Variants in MED27 observed in about 807,000 individuals in gnomAD.
MED27 encodes mediator complex subunit 27.
A neutral mutation model predicts 38.2 loss-of-function variants in MED27; 30 were observed. The ratio of observed to expected loss-of-function variants is 0.79; its 90% CI spans 0.59 to 1.07. MED27 has a LOEUF of 1.07. Ranked by LOEUF, MED27 falls within the 50% of genes least tolerant of loss-of-function variation. The probability of loss-of-function intolerance (pLI) is 0.00; values close to 1 mark genes in which losing one functional copy is unlikely to be tolerated. For missense variants in MED27, 289 were observed against 397.5 expected (o/e 0.73, Z 2.32); for synonymous variants, 122 against 153.5 (o/e 0.79, Z 1.52).
At chr9:132,046,340 G>A (rs976931262) in intron 2 of MED27, among the ~76,000 whole-genome samples, 1 of 151,936 alleles carries the variant, frequency 6.6e-6, no homozygotes, top group Non-Finnish European at 1.5e-5. Flanking sequence ...GCTCACAAAA[G>A]TATACTGAAA....
intron 4 of MED27, among the ~76,000 whole-genome samples, chr9:131,923,967 A>C (rs1260524515): frequency 1.3e-5 from 2 of 152,164 alleles, no homozygotes; most frequent in Non-Finnish European, 2.9e-5. Context: ...CTGAAGATGG[A>C]AAAAAAAGTG....
intron 3 of MED27, among the ~76,000 whole-genome samples, chr9:131,993,169 C>T (rs1451651503): frequency 1.3e-5 from 2 of 152,034 alleles, no homozygotes; most frequent in Non-Finnish European, 2.9e-5. Context: ...AGTCTACCAC[C>T]GTGCCTTACC....
chr9:131,876,335 C>T (rs188609527), intron 6 of MED27, among the ~76,000 whole-genome samples: 11 of 152,260 alleles, frequency 7.2e-5, no homozygotes, highest in African/African-American at 2.6e-4. Context: ...ACGCAGCGTG[C>T]CCTCAGAAAG....
intron 6 of MED27, among the ~76,000 whole-genome samples, chr9:131,871,775 C>T (rs1564261955): frequency 6.6e-6 from 1 of 152,198 alleles, no homozygotes; most frequent in Non-Finnish European, 1.5e-5. Context: ...GTCTTGAACT[C>T]CTAGGCTCAA....
At chr9:132,009,782 T>C (rs1832441239) in intron 3 of MED27, among the ~76,000 whole-genome samples, 1 of 152,268 alleles carries the variant, frequency 6.6e-6, no homozygotes, top group African/African-American at 2.4e-5. Flanking sequence ...CAATCTGTTA[T>C]GAAGCAATAG....
intron 4 of MED27, among the ~76,000 whole-genome samples, chr9:131,907,687 G>C (rs1030053945): frequency 1.8e-4 from 27 of 149,772 alleles, no homozygotes; most frequent in Non-Finnish European, 3.3e-4. Flanking sequence ...CCATCGTCTG[G>C]GATGTGAGGA....
chr9:131,908,184 T>G (rs1216899545), intron 4 of MED27, among the ~76,000 whole-genome samples: 1 of 11,028 alleles, frequency 9.1e-5, no homozygotes, highest in Non-Finnish European at 2.0e-4. Flanking sequence ...GGGGCGCCTC[T>G]GCCCGGCCGC....
rs558617748 is a variant in MED27, at chr9:131,963,108, G to C, written c.480-23634C>G. Among the ~76,000 whole-genome samples the C allele has an allele frequency of 3.9e-5, 6 of 152,248 alleles. No individual in the cohort carries two copies. In the South Asian group the frequency reaches 1.2e-3, roughly 32 times the overall value. On this transcript the variant is annotated intron_variant, in intron 3 of 7. Coordinates refer to ENST00000292035, the MANE Select transcript of MED27 (RefSeq NM_004269.4). Reference sequence around the variant, plus strand: ...GTAAAATATTAAAGCATAATGTTCAGCTAAACTATTTCCAAGCCATACATC... The same window carrying C: ...GTAAAATATTAAAGCATAATGTTCACCTAAACTATTTCCAAGCCATACATC...
intron 3 of MED27, among the ~76,000 whole-genome samples, chr9:132,009,412 G>A (rs1832433897): frequency 6.6e-6 from 1 of 152,196 alleles, no homozygotes; most frequent in Non-Finnish European, 1.5e-5. Flanking sequence ...GGGTAGAACT[G>A]ACGCTGTGTG....
intron 3 of MED27, among the ~76,000 whole-genome samples, chr9:131,963,831 C>T (rs1424498416): frequency 6.6e-6 from 1 of 152,152 alleles, no homozygotes; most frequent in African/African-American, 2.4e-5. Context: ...TTTCCAAATT[C>T]GTTACCCTGA....
chr9:131,874,004 C>T (rs1838879965), intron 6 of MED27, among the ~76,000 whole-genome samples: 1 of 152,182 alleles, frequency 6.6e-6, no homozygotes, highest in African/African-American at 2.4e-5. Context: ...GATGTACCCC[C>T]GCTGGCCACT....
chr9:132,075,919 A>C (rs906515129), intron 2 of MED27, among the ~76,000 whole-genome samples: 11 of 152,282 alleles, frequency 7.2e-5, no homozygotes, highest in Middle Eastern at 6.8e-3. Flanking sequence ...CCCAACTCCA[A>C]GGAACCCCAT....
chr9:132,075,817 G>C (rs563462030), intron 2 of MED27, among the ~76,000 whole-genome samples: 1 of 151,854 alleles, frequency 6.6e-6, no homozygotes, highest in African/African-American at 2.4e-5. Context: ...TGTAGAGCTG[G>C]AACAGTCCCA....
At chr9:131,869,006 C>T (rs546780780) in intron 6 of MED27, 304 of 985,338 alleles carry the variant, frequency 3.1e-4, no homozygotes, top group Non-Finnish European at 3.5e-4. Flanking sequence ...CATTGCTGGT[C>T]GGCAATCTGG....
At chr9:131,951,751 T>C (rs1831002030) in intron 3 of MED27, among the ~76,000 whole-genome samples, 1 of 152,256 alleles carries the variant, frequency 6.6e-6, no homozygotes, top group African/African-American at 2.4e-5. Flanking sequence ...ATTGTCTTTT[T>C]CTGCACAAAA....
At chr9:132,075,370 C>G (rs1834022816) in intron 2 of MED27, among the ~76,000 whole-genome samples, 1 of 152,176 alleles carries the variant, frequency 6.6e-6, no homozygotes, top group South Asian at 2.1e-4. Flanking sequence ...GGTTCTTTTA[C>G]AGATGCTTAA....
At chr9:131,894,621 TAA>T (rs58620636) in intron 4 of MED27, among the ~76,000 whole-genome samples, 4 of 148,522 alleles carry the variant, frequency 2.7e-5, no homozygotes, top group Admixed American at 6.7e-5. Context: ...TATTATACAT[TAA>T]AAAAAAAAAT....
chr9:131,985,913 C>A (rs1831839154), intron 3 of MED27, among the ~76,000 whole-genome samples: 1 of 150,568 alleles, frequency 6.6e-6, no homozygotes, highest in Admixed American at 6.6e-5. Context: ...TAGGCCTAGG[C>A]TAATGTGTGC....
chr9:131,943,417 T>C (rs879336981), intron 3 of MED27, among the ~76,000 whole-genome samples: 2 of 152,164 alleles, frequency 1.3e-5, no homozygotes, highest in Non-Finnish European at 2.9e-5. Flanking sequence ...CTGGCAGTAC[T>C]CTCTGAGTGC....
Sources: allele counts gnomAD v4.1 joint callset (sites outside exome capture counted in the v4.1 genomes callset), GRCh38; gene constraint gnomAD v4.1.1; transcripts MANE v1.5; gene names NCBI Gene and HGNC (gene_info 2026-07-23, HGNC 2026-07-21).